The following PIEZO2 variants were observed in gnomAD, a reference collection of about 807,000 sequenced individuals.
PIEZO2 encodes the protein piezo type mechanosensitive ion channel component 2, also known as piezo-type mechanosensitive ion channel component 2.
In PIEZO2, 172 loss-of-function variants were observed where a neutral mutation model predicts 337.3. The observed-to-expected ratio is 0.51, with a 90% confidence interval of 0.45 to 0.58. PIEZO2 has a LOEUF of 0.58. Ranked by LOEUF, PIEZO2 falls within the 20% of genes least tolerant of loss-of-function variation. The pLI is 0.00. For synonymous variants in PIEZO2, 1,251 were observed against 1,228.5 expected, an observed-to-expected ratio of 1.02 and a Z score of -0.38; for missense variants, 3,028 against 3,391.3, an observed-to-expected ratio of 0.89 and a Z score of 2.66.
intron 1 of PIEZO2, among the ~76,000 whole-genome samples, chr18:11,075,786 CTTTTT>C (rs147029235): frequency 1.3e-4 from 16 of 125,242 alleles, no homozygotes; most frequent in Admixed American, 2.4e-4. Flanking sequence ...AGATATATTT[CTTTTT>C]TTTTTTTTTT....
intron 4 of PIEZO2, among the ~76,000 whole-genome samples, chr18:10,884,824 G>A (rs2042527978): frequency 6.6e-6 from 1 of 152,142 alleles, no homozygotes; most frequent in East Asian, 1.9e-4. Context: ...TATAAACACT[G>A]GGTCAGGAGA....
intron 5 of PIEZO2, among the ~76,000 whole-genome samples, chr18:10,865,861 C>G (rs1044955201): frequency 1.3e-5 from 2 of 152,216 alleles, no homozygotes; most frequent in South Asian, 2.1e-4. Flanking sequence ...ACTCTACCCC[C>G]CAAGAAAGGA....
Position 10,847,225 on chromosome 18 carries a change from C to T in PIEZO2, c.917+8128G>A, listed in dbSNP as rs571338765. On this transcript the variant is annotated intron_variant, in intron 7 of 55. Coordinates refer to ENST00000674853, the MANE Select transcript of PIEZO2 (RefSeq NM_001378183.1). The surrounding 1 kb of genome is among the most constrained non-coding windows in gnomAD (Gnocchi z 5.7). ...GATGCTCGCTGGCCAGATGACATGA[C>T]GGCAGCCGGGGCAGGTGACTGCAGG... is the stretch of plus-strand genomic sequence containing the variant. Among the ~76,000 whole-genome samples, 59 of 152,310 alleles carry T rather than the reference C, an allele frequency of 3.9e-4. 1 individual carries two copies. The South Asian group carries it at 0.011, about 29-fold the overall frequency.
rs2034323044 is a variant in PIEZO2, at chr18:10,973,493, T to C, written c.286+6042A>G. Among the ~76,000 whole-genome samples the C allele has an allele frequency of 6.6e-6, 1 of 152,248 alleles. No individual in the cohort carries two copies. The highest frequency in any genetic ancestry group is 6.5e-5 in the Admixed American group (1 of 15,282). ...AACAGCACTTAAGGCAAAGTTCTCC[T>C]ATACATGATCAGAAGGTATATATAT... On this transcript the variant is annotated intron_variant, in intron 3 of 55. Transcript: ENST00000674853. The surrounding 1 kb of genome is among the most constrained non-coding windows in gnomAD (Gnocchi z 4.9).
rs2041903931 is a variant in PIEZO2 at position 10,862,552 on chromosome 18, A to G, written c.493-5341T>C. The stretch of plus-strand genomic sequence containing the variant: ...CCACTCAATTTTGGACAAAGAAGAC[A>G]CAATAAATCACTTTTGGTAGGACAC... On this transcript the variant is annotated intron_variant, in intron 5 of 55. Transcript: ENST00000674853. This position sits in a 1 kb window ranked among gnomAD's most constrained non-coding sequence, Gnocchi z 4.4. 6.6e-6 allele frequency among the ~76,000 whole-genome samples: 1 copy of G among 152,214 alleles called. No homozygotes were observed. Among genetic ancestry groups the G allele is most frequent in the Non-Finnish European group, 1.5e-5 (1 of 68,040 alleles).
In PIEZO2 at chr18:10,888,522, T is replaced by C. The variant is rs1406507496; in HGVS notation, c.330-17107A>G. Among the ~76,000 whole-genome samples, 1 of 152,150 alleles carries C rather than the reference T, an allele frequency of 6.6e-6. No individual in the cohort carries two copies. The highest frequency in any genetic ancestry group is 1.5e-5 in the Non-Finnish European group (1 of 68,032). ...AGCATTGTTACGGGGGCGACATTGC[T>C]TCTGGGTCCTCTTATTTGACAGAGT... On this transcript the variant is annotated intron_variant, in intron 4 of 55. Transcript: ENST00000674853. The surrounding 1 kb of genome is among the most constrained non-coding windows in gnomAD (Gnocchi z 4.1).
intron 4 of PIEZO2, among the ~76,000 whole-genome samples, chr18:10,883,873 C>T (rs1221427576): frequency 1.0e-4 from 14 of 137,106 alleles, no homozygotes; most frequent in African/African-American, 2.5e-4. Flanking sequence ...TGCAGTGGCA[C>T]GATCTTGGCT....
chr18:10,710,198 C>T (rs1454232621), intron 39 of PIEZO2, among the ~76,000 whole-genome samples: 1 of 152,240 alleles, frequency 6.6e-6, no homozygotes, highest in Non-Finnish European at 1.5e-5. Context: ...CCCTGTTTAT[C>T]TTGTTAACTC....
intron 1 of PIEZO2, among the ~76,000 whole-genome samples, chr18:11,140,262 A>G (rs953618847): frequency 3.9e-5 from 6 of 152,142 alleles, no homozygotes; most frequent in African/African-American, 1.4e-4. Flanking sequence ...CCACTGTAAC[A>G]TCCCAATCTC....
Position 10,726,671 on chromosome 18 carries a change from T to A in PIEZO2, c.5029+4736A>T, listed in dbSNP as rs1365255769. 2 of 1,430,198 alleles carry A rather than the reference T, an allele frequency of 1.4e-6. No homozygotes were observed. The highest frequency in any genetic ancestry group is 1.9e-6 in the Non-Finnish European group (2 of 1,041,572). 88.6% of individuals were successfully genotyped at this position (1,430,198 alleles called of 1,614,324 possible). On this transcript the variant is annotated intron_variant, in intron 36 of 55. Coordinates refer to ENST00000674853, the MANE Select transcript of PIEZO2 (RefSeq NM_001378183.1). This position sits in a 1 kb window ranked among gnomAD's most constrained non-coding sequence, Gnocchi z 5.9. ...AAGCGCGGCCAGACAGACACCTCGC[T>A]GCCAAGTTAATTCAGCAAGGACCAG...
Position 10,945,765 on chromosome 18 carries a change from G to A in PIEZO2, c.286+33770C>T, listed in dbSNP as rs1390512632. Among the ~76,000 whole-genome samples the A allele has an allele frequency of 1.3e-5, 2 of 152,078 alleles. No individual in the cohort carries two copies. Among genetic ancestry groups the A allele is most frequent in the African/African-American group, 2.4e-5 (1 of 41,398 alleles). ...AAATTGGAAGGCAAGAAAATAAAAA[G>A]TTATTATAATTGCATTCCATATGTT... is the stretch of plus-strand genomic sequence containing the variant. On this transcript the variant is annotated intron_variant, in intron 3 of 55. Transcript: ENST00000674853. This position sits in a 1 kb window ranked among gnomAD's most constrained non-coding sequence, Gnocchi z 4.0.
chr18:10,804,271 T>C (rs1403440901), intron 8 of PIEZO2, among the ~76,000 whole-genome samples: 6 of 152,192 alleles, frequency 3.9e-5, no homozygotes, highest in Admixed American at 3.3e-4. Context: ...CCACGTGCAT[T>C]CTCAACTGCA....
intron 4 of PIEZO2, among the ~76,000 whole-genome samples, chr18:10,891,618 T>C (rs2042758780): frequency 6.6e-6 from 1 of 152,194 alleles, no homozygotes; most frequent in South Asian, 2.1e-4. Context: ...ACCAGGTGAC[T>C]TCAGGTCAGG....
Position 11,098,244 on chromosome 18 carries a change from TAC to T in PIEZO2, c.65-32024_65-32023del, listed in dbSNP as rs150739388. Among the ~76,000 whole-genome samples the T allele has an allele frequency of 2.8e-3, 404 of 145,366 alleles. 3 individuals are homozygous for T. The highest frequency in any genetic ancestry group is 0.014 in the South Asian group (63 of 4,420). ...TACTTTGGAAAATTCAGAAGCAAGA[TAC>T]ACACACACACACACACACACACACA... On this transcript the variant is annotated intron_variant, in intron 1 of 55. Transcript: ENST00000674853.
chr18:10,918,909 T>C (rs1477741772), intron 3 of PIEZO2, among the ~76,000 whole-genome samples: 1 of 152,034 alleles, frequency 6.6e-6, no homozygotes, highest in Non-Finnish European at 1.5e-5. Context: ...TGAGCAACTA[T>C]ACCTATATCT....
At position 10,824,244 on chromosome 18, in the gene PIEZO2, C is replaced by T. The variant is rs2040603933; in HGVS notation, c.918-16970G>A. 1.3e-5 allele frequency among the ~76,000 whole-genome samples: 2 copies of T among 152,132 alleles called. No homozygotes were observed. Among genetic ancestry groups the T allele is most frequent in the South Asian group, 2.1e-4 (1 of 4,830 alleles). On this transcript the variant is annotated intron_variant, in intron 7 of 55. Coordinates refer to ENST00000674853, the MANE Select transcript of PIEZO2 (RefSeq NM_001378183.1). The surrounding 1 kb of genome is among the most constrained non-coding windows in gnomAD (Gnocchi z 4.4). ...TTTACGAGAGTAGCAAGAGACAAGT[C>T]TCCATAGTCTGTGGGAAAAAATGTA...
rs534457280 is a variant in PIEZO2, at chr18:10,677,337, G to T, written c.8081+410C>A. ...AATTCAAGTGATTCTCATGCCTCAGGCTCCCAAGTAGCTGGGAGTACAGAT... is the reference window on the plus strand; with the variant it reads ...AATTCAAGTGATTCTCATGCCTCAGTCTCCCAAGTAGCTGGGAGTACAGAT... On this transcript the variant is annotated intron_variant, in intron 53 of 55. Coordinates refer to ENST00000674853, the MANE Select transcript of PIEZO2 (RefSeq NM_001378183.1). This position sits in a 1 kb window ranked among gnomAD's most constrained non-coding sequence, Gnocchi z 4.1. 5.9e-5 allele frequency among the ~76,000 whole-genome samples: 9 copies of T among 152,070 alleles called. No individual in the cohort carries two copies. The highest frequency in any genetic ancestry group is 1.0e-4 in the Non-Finnish European group (7 of 68,014).
chr18:10,960,911 G>A (rs929753256), intron 3 of PIEZO2, among the ~76,000 whole-genome samples: 1 of 152,152 alleles, frequency 6.6e-6, no homozygotes, highest in African/African-American at 2.4e-5. Context: ...CGGGGTGGTG[G>A]CTCATGCCTG....
intron 4 of PIEZO2, among the ~76,000 whole-genome samples, chr18:10,901,981 C>T (rs866064138): frequency 2.0e-5 from 3 of 151,934 alleles, no homozygotes; most frequent in Non-Finnish European, 2.9e-5. Flanking sequence ...TGGACTGGTA[C>T]TGGTCCTCGT....
Sources: gnomAD v4.1 joint callset for allele counts (sites outside exome capture counted in the v4.1 genomes callset) on GRCh38, gnomAD v4.1.1 for gene constraint, Gnocchi (gnomAD v3.1) non-coding constraint, MANE v1.5 for transcripts, NCBI Gene and HGNC (gene_info 2026-07-23, HGNC 2026-07-21) for gene names.